The following PCDH7 variants were observed in gnomAD, a reference collection of about 807,000 sequenced individuals.
PCDH7 encodes the protein protocadherin-7.
PCDH7 carries 17 observed loss-of-function variants against 58.9 expected under a neutral mutation model. That is an observed-to-expected ratio of 0.29 (90% confidence interval 0.20 to 0.43). PCDH7 has a LOEUF of 0.43. Ranked by LOEUF, PCDH7 falls within the 20% of genes least tolerant of loss-of-function variation. The probability of loss-of-function intolerance (pLI) is 1.00; values close to 1 mark genes in which losing one functional copy is unlikely to be tolerated. For synonymous variants in PCDH7, 664 were observed against 616.4 expected (o/e 1.08, Z -1.14); for missense variants, 1,274 against 1,441.0 (o/e 0.88, Z 1.88).
chr4:30,881,568 C>T (rs1012409720), intron 1 of PCDH7, among the ~76,000 whole-genome samples: 3 of 152,092 alleles, frequency 2.0e-5, no homozygotes, highest in African/African-American at 4.8e-5. Context: ...CTTTTACCAC[C>T]GTTTCTAGCT....
At position 30,753,349 on chromosome 4, in the gene PCDH7, G is replaced by A. The variant is rs144682786; in HGVS notation, c.70+28753G>A. 2.6e-3 allele frequency among the ~76,000 whole-genome samples: 390 copies of A among 152,264 alleles called. 1 individual carries two copies. Among genetic ancestry groups the A allele is most frequent in the African/African-American group, 8.2e-3 (340 of 41,548 alleles). ...GAAAATGCCTCAGTTTATATACATG[G>A]TCGTGGTAAGCTGGGAACAGCATAT... On this transcript the variant is annotated intron_variant, in intron 1 of 3. Transcript: ENST00000509759.
At chr4:31,051,676 A>T (rs1756741607) in intron 3 of PCDH7, among the ~76,000 whole-genome samples, 1 of 152,116 alleles carries the variant, frequency 6.6e-6, no homozygotes, top group Admixed American at 6.6e-5. Flanking sequence ...CATGTTTATA[A>T]TGGGTAGCAG....
intron 3 of PCDH7, among the ~76,000 whole-genome samples, chr4:31,027,522 A>G (rs1754533599): frequency 6.6e-6 from 1 of 152,078 alleles, no homozygotes; most frequent in Admixed American, 6.6e-5. Flanking sequence ...TCCCAGGTTC[A>G]AGGGATTCTC....
intron 1 of PCDH7, among the ~76,000 whole-genome samples, chr4:30,903,766 G>A (rs1740528590): frequency 6.6e-6 from 1 of 152,072 alleles, no homozygotes. Flanking sequence ...TATCTGAAAA[G>A]AGAGAACCAA....
chr4:30,886,916 T>TG (rs1737880170), intron 1 of PCDH7, among the ~76,000 whole-genome samples: 1 of 138,346 alleles, frequency 7.2e-6, no homozygotes. Flanking sequence ...AGGTGGGAAT[T>TG]GAACAATGAG....
At chr4:31,021,470 A>G (rs1295489294) in intron 3 of PCDH7, among the ~76,000 whole-genome samples, 2 of 152,194 alleles carry the variant, frequency 1.3e-5, no homozygotes, top group African/African-American at 2.4e-5. Flanking sequence ...TATGGTCAGA[A>G]ATATGCTAAC....
chr4:31,094,989 G>T (rs568385879), intron 3 of PCDH7, among the ~76,000 whole-genome samples: 103 of 151,626 alleles, frequency 6.8e-4, no homozygotes, highest in African/African-American at 2.4e-3. Context: ...TTTAGTAAAG[G>T]TGTAGCTATA....
At chr4:30,978,125 A>G (rs1338066158) in intron 3 of PCDH7, among the ~76,000 whole-genome samples, 1 of 152,196 alleles carries the variant, frequency 6.6e-6, no homozygotes, top group Non-Finnish European at 1.5e-5. Flanking sequence ...ACATTCTGTT[A>G]AAAATCTGAG....
chr4:30,751,787 A>G (rs79132257), intron 1 of PCDH7, among the ~76,000 whole-genome samples: 1 of 152,136 alleles, frequency 6.6e-6, no homozygotes, highest in East Asian at 1.9e-4. Context: ...TAATAAATAT[A>G]TTTTAATAGG....
intron 3 of PCDH7, among the ~76,000 whole-genome samples, chr4:31,105,482 G>C (rs1715438174): frequency 6.6e-6 from 1 of 152,060 alleles, no homozygotes; most frequent in Admixed American, 6.6e-5. Flanking sequence ...CCCTGAATGG[G>C]ATACCATTAT....
intron 1 of PCDH7, among the ~76,000 whole-genome samples, chr4:30,854,087 C>T (rs918298772): frequency 3.3e-5 from 5 of 151,892 alleles, no homozygotes; most frequent in Non-Finnish European, 7.4e-5. Context: ...ATTATTAACA[C>T]ACCAACTTTG....
intron 3 of PCDH7, among the ~76,000 whole-genome samples, chr4:30,976,199 G>T (rs192817704): frequency 1.5e-3 from 235 of 152,030 alleles, no homozygotes; most frequent in African/African-American, 5.4e-3. Context: ...TTGCCCAGGG[G>T]CTGCAGTGCA....
chr4:30,956,837 C>A (rs1560532801), intron 3 of PCDH7, among the ~76,000 whole-genome samples: 1 of 152,100 alleles, frequency 6.6e-6, no homozygotes, highest in African/African-American at 2.4e-5. Context: ...TCTTTTGCAT[C>A]CTTGGATGCA....
At chr4:30,855,297 A>G (rs73214909) in intron 1 of PCDH7, among the ~76,000 whole-genome samples, 13,182 of 152,248 alleles carry the variant, frequency 0.087, 750 homozygotes, top group Non-Finnish European at 0.12. Flanking sequence ...ATATCCAGGT[A>G]GACCTGGTGC....
At chr4:31,103,924 G>T (rs1715224440) in intron 3 of PCDH7, among the ~76,000 whole-genome samples, 1 of 151,914 alleles carries the variant, frequency 6.6e-6, no homozygotes, top group Admixed American at 6.6e-5. Context: ...ATTCATTCTG[G>T]ATCAGTTTAA....
chr4:30,742,741 C>T (rs1252199494), intron 1 of PCDH7, among the ~76,000 whole-genome samples: 1 of 152,118 alleles, frequency 6.6e-6, no homozygotes. Context: ...GCCACTTGAG[C>T]TGTGAATTTT....
intron 3 of PCDH7, among the ~76,000 whole-genome samples, chr4:31,128,776 A>AT (rs1353142917): frequency 1.3e-5 from 2 of 152,148 alleles, no homozygotes; most frequent in Non-Finnish European, 2.9e-5. Flanking sequence ...TGAAGACTGC[A>AT]TTTTGTGTTA....
At chr4:30,974,827 A>G (rs28583052) in intron 3 of PCDH7, among the ~76,000 whole-genome samples, 2,333 of 152,086 alleles carry the variant, frequency 0.015, 49 homozygotes, top group African/African-American at 0.052. Flanking sequence ...CGATGGGGGC[A>G]GGGGAATGAG....
intron 1 of PCDH7, among the ~76,000 whole-genome samples, chr4:30,843,828 A>G (rs1486132324): frequency 6.6e-6 from 1 of 152,108 alleles, no homozygotes; most frequent in African/African-American, 2.4e-5. Context: ...ACAGACATAA[A>G]TGACTTCACT....
Sources: allele counts gnomAD v4.1 joint callset (sites outside exome capture counted in the v4.1 genomes callset), GRCh38; gene constraint gnomAD v4.1.1; transcripts MANE v1.5; gene names NCBI Gene and HGNC (gene_info 2026-07-23, HGNC 2026-07-21).